MYO16: variants seen among roughly 807,000 people sequenced by gnomAD.
MYO16 encodes unconventional myosin-XVI.
In MYO16, 94 loss-of-function variants were observed where a neutral mutation model predicts 205.3. The ratio of observed to expected loss-of-function variants is 0.46; its 90% CI spans 0.39 to 0.54. The LOEUF (loss-of-function observed/expected upper bound fraction) is 0.54. Ranked by LOEUF, MYO16 falls within the 20% of genes least tolerant of loss-of-function variation. The pLI is 0.00. For synonymous variants in MYO16, 988 were observed against 954.0 expected (o/e 1.04, Z -0.66); for missense variants, 2,315 against 2,387.5 (o/e 0.97, Z 0.63).
chr13:108,975,600 G>T (rs1490648314), intron 20 of MYO16, among the ~76,000 whole-genome samples: 1 of 152,052 alleles, frequency 6.6e-6, no homozygotes, highest in Non-Finnish European at 1.5e-5. Context: ...TCTCAAAAGG[G>T]TGTAAACACC....
intron 4 of MYO16, among the ~76,000 whole-genome samples, chr13:108,776,222 GT>G (rs1385861934): frequency 6.6e-6 from 1 of 152,168 alleles, no homozygotes; most frequent in Non-Finnish European, 1.5e-5. Context: ...GGAAGAATCT[GT>G]TTTTATTCAT....
intron 23 of MYO16, among the ~76,000 whole-genome samples, chr13:109,039,838 A>T (rs1204012955): frequency 6.6e-6 from 1 of 152,190 alleles, no homozygotes; most frequent in Non-Finnish European, 1.5e-5. Context: ...GATGACAAAA[A>T]AGCAGAAATC....
intron 5 of MYO16, among the ~76,000 whole-genome samples, chr13:108,788,344 G>A (rs866815204): frequency 2.4e-4 from 36 of 152,024 alleles, no homozygotes; most frequent in Admixed American, 2.0e-4. Context: ...AGACAACCAC[G>A]GAGAGCTGAT....
chr13:108,528,210 C>A, the MYO16 span, among the ~76,000 whole-genome samples: 79 of 152,278 alleles, frequency 5.2e-4, no homozygotes, highest in Middle Eastern at 3.4e-3. Context: ...TTTACCATAT[C>A]CGACAGCCTT....
At chr13:109,002,393 G>A (rs548043123) in intron 21 of MYO16, among the ~76,000 whole-genome samples, 2 of 152,338 alleles carry the variant, frequency 1.3e-5, no homozygotes, top group East Asian at 3.9e-4. Context: ...TAATACAAAT[G>A]ATGAGCCATC....
chr13:108,879,937 A>T (rs1273340555), intron 12 of MYO16, among the ~76,000 whole-genome samples: 1 of 152,218 alleles, frequency 6.6e-6, no homozygotes, highest in Non-Finnish European at 1.5e-5. Context: ...GAATGGCCAC[A>T]CTGTCTTCCA....
rs1410525614 is a variant in MYO16 at position 108,992,099 on chromosome 13, A to G, written c.2370-277A>G. On this transcript the variant is annotated intron_variant, in intron 20 of 34. Coordinates refer to ENST00000457511, the MANE Select transcript of MYO16 (RefSeq NM_001198950.3). Reference sequence around the variant, plus strand: ...AAACTATGCATTGGACAAAGGTCTAATATCCAGCATCTATAAGGAACTTAA... The same window carrying G: ...AAACTATGCATTGGACAAAGGTCTAGTATCCAGCATCTATAAGGAACTTAA... 2.0e-5 allele frequency among the ~76,000 whole-genome samples: 3 copies of G among 152,340 alleles called. No individual in the cohort carries two copies. In the East Asian group the frequency reaches 5.8e-4, roughly 29 times the overall value.
chr13:108,496,904 T>C, the MYO16 span, among the ~76,000 whole-genome samples: 5 of 149,974 alleles, frequency 3.3e-5, no homozygotes, highest in Non-Finnish European at 7.4e-5. Flanking sequence ...AGGGCTGACC[T>C]GCGTCTTCCA....
chr13:108,856,062 A>G (rs1878155865), intron 11 of MYO16, among the ~76,000 whole-genome samples: 3 of 152,240 alleles, frequency 2.0e-5, no homozygotes, highest in Non-Finnish European at 1.5e-5. Flanking sequence ...CTGATAGTAG[A>G]ATCCGAAAAT....
intron 15 of MYO16, among the ~76,000 whole-genome samples, chr13:108,900,564 A>G (rs1232205447): frequency 6.6e-6 from 1 of 152,240 alleles, no homozygotes; most frequent in African/African-American, 2.4e-5. Context: ...GTCTCTGAAC[A>G]TAAATTGTGA....
the MYO16 span, among the ~76,000 whole-genome samples, chr13:108,545,781 T>C: frequency 6.6e-6 from 1 of 152,164 alleles, no homozygotes; most frequent in Non-Finnish European, 1.5e-5. Context: ...CTTACACCTT[T>C]AGGGAGTATT....
At chr13:108,781,278 G>A (rs933064421) in intron 4 of MYO16, among the ~76,000 whole-genome samples, 4 of 152,208 alleles carry the variant, frequency 2.6e-5, no homozygotes, top group African/African-American at 9.6e-5. Flanking sequence ...TGATTGTTTA[G>A]CAGTCGATAT....
At chr13:108,976,666 TTA>T (rs1884269731) in intron 20 of MYO16, among the ~76,000 whole-genome samples, 1 of 152,212 alleles carries the variant, frequency 6.6e-6, no homozygotes, top group South Asian at 2.1e-4. Flanking sequence ...ATAAATGAAT[TTA>T]TGTTTATAAT....
At chr13:109,037,450 G>A (rs1594491447) in intron 23 of MYO16, among the ~76,000 whole-genome samples, 1 of 152,216 alleles carries the variant, frequency 6.6e-6, no homozygotes, top group African/African-American at 2.4e-5. Flanking sequence ...TTTATTGGGA[G>A]GCAGCCTATT....
chr13:108,923,473 T>A (rs568111009), intron 16 of MYO16, among the ~76,000 whole-genome samples: 28 of 152,328 alleles, frequency 1.8e-4, no homozygotes, highest in African/African-American at 6.7e-4. Flanking sequence ...CCAGGCAGAC[T>A]GGTAAGGGCA....
At chr13:108,706,402 G>C (rs900871234) in intron 2 of MYO16, among the ~76,000 whole-genome samples, 7 of 152,162 alleles carry the variant, frequency 4.6e-5, no homozygotes, top group Admixed American at 3.9e-4. Flanking sequence ...TGTGATCCTT[G>C]AGGAGGAGAA....
At position 108,671,224 on chromosome 13, in the gene MYO16, G is replaced by T. The variant is rs190944884; in HGVS notation, c.292+5075G>T. On this transcript the variant is annotated intron_variant, in intron 2 of 34. Transcript: ENST00000457511. ...TTGCATGGTGTAATGATTATGTTAA[G>T]GTGCTCAAAGTGATAGGAACAACAG... Among the ~76,000 whole-genome samples the T allele has an allele frequency of 1.7e-4, 26 of 152,200 alleles. No homozygotes were observed. In the East Asian group the frequency reaches 1.7e-3, roughly 10 times the overall value.
At position 108,620,925 on chromosome 13, in the gene MYO16, C is replaced by T. The variant is rs534509214; in HGVS notation, c.-39+24686C>T. ...CATGAGAAGGAACAGAGCCTCCCAT[C>T]CCCACCCCGCAGCCTGGCCTCTACT... On this transcript the variant is annotated intron_variant, in intron 1 of 24. Transcript: ENST00000251041. Among the ~76,000 whole-genome samples the T allele has an allele frequency of 3.6e-3, 550 of 152,314 alleles. 6 individuals carry two copies. Among genetic ancestry groups the T allele is most frequent in the African/African-American group, 0.012 (518 of 41,568 alleles).
chr13:108,539,024 C>T, the MYO16 span, among the ~76,000 whole-genome samples: 2 of 152,068 alleles, frequency 1.3e-5, no homozygotes, highest in Non-Finnish European at 2.9e-5. Context: ...CTGCCTTTAC[C>T]TGGTGCTTTT....
Sources: allele counts gnomAD v4.1 joint callset (sites outside exome capture counted in the v4.1 genomes callset), GRCh38; gene constraint gnomAD v4.1.1; transcripts MANE v1.5; gene names NCBI Gene and HGNC (gene_info 2026-07-23, HGNC 2026-07-21).